SYNE2: variants seen among roughly 807,000 people sequenced by gnomAD.
SYNE2 encodes the protein spectrin repeat containing nuclear envelope protein 2.
Under a neutral mutation model 856.3 loss-of-function variants are expected in SYNE2, and 431 were observed. That is an observed-to-expected ratio of 0.50 (90% CI 0.47 to 0.55). The LOEUF (loss-of-function observed/expected upper bound fraction) is 0.55. Among genes scored for constraint, SYNE2 ranks in the 20% least tolerant of loss-of-function variants. SYNE2 has a pLI of 0.00. For synonymous variants in SYNE2, 2,923 were observed against 2,872.3 expected (o/e 1.02, Z -0.56); for missense variants, 8,129 against 8,023.2 (o/e 1.01, Z -0.50).
At chr14:63,974,890 G>A (rs867047297) in intron 11 of SYNE2, among the ~76,000 whole-genome samples, 2,695 of 24,988 alleles carry the variant, frequency 0.11, 54 homozygotes, top group South Asian at 0.2. Context: ...GTGTGTGTGT[G>A]TGTATATATA....
intron 19 of SYNE2, among the ~76,000 whole-genome samples, chr14:63,989,949 C>T (rs575368481): frequency 7.2e-5 from 11 of 152,278 alleles, no homozygotes; most frequent in South Asian, 6.2e-4. Flanking sequence ...TGTGCCTGGC[C>T]GCAGCTTGGT....
chr14:64,038,402 C>T (rs1452628683), intron 45 of SYNE2, among the ~76,000 whole-genome samples: 1 of 152,268 alleles, frequency 6.6e-6, no homozygotes, highest in East Asian at 1.9e-4. Flanking sequence ...AGACGATGGG[C>T]GGCCCGGCAG....
At chr14:63,915,574 T>C (rs996454239) in intron 2 of SYNE2, among the ~76,000 whole-genome samples, 6 of 152,190 alleles carry the variant, frequency 3.9e-5, no homozygotes, top group Non-Finnish European at 7.3e-5. Context: ...AGGAGTTAAC[T>C]TGCAAGCAGT....
chr14:64,053,313 T>C lies in SYNE2; in HGVS notation c.9400T>C (p.Tyr3134His). The change falls in exon 48 of 116, where the codon TAC (tyrosine) becomes CAC (histidine). Residue 3134 changes from tyrosine to histidine, a missense_variant. Transcript: ENST00000555002. ...GAATGCAGAAGAAAATGATAAGTTA[T>C]ACAAAGTTCTCCAAAACATGGTATT... is the stretch of plus-strand genomic sequence containing the variant. ...KLNAEENDKL[Y>H]KVLQNMVLEL... is the part of the protein sequence containing the mutation. 6.2e-7 allele frequency: 1 copy of C among 1,610,932 alleles called. No homozygotes were observed. The highest frequency in any genetic ancestry group is 8.5e-7 in the Non-Finnish European group (1 of 1,179,328).
In SYNE2 at chr14:64,002,872, C is replaced by G; in HGVS notation, c.3939C>G (p.His1313Gln). Reference sequence around the variant, plus strand: ...AAACACAATTTGAAGGAATGAACCACAGGGTGCAGAGGAGTGAAGATACTC... The same window carrying G: ...AAACACAATTTGAAGGAATGAACCAGAGGGTGCAGAGGAGTGAAGATACTC... ...KYKTQFEGMN[H>Q]RVQRSEDTLK... Residue 1313 changes from histidine (H) to glutamine (Q), a missense_variant, in exon 30 of 116, where the codon CAC (histidine) becomes CAG (glutamine). His to Gln is a conservative substitution (Grantham distance 24). This residue lies in a region of SYNE2 where 2,422 missense variants were observed against 2,357.4 expected (regional missense o/e 1.03). Coordinates refer to ENST00000555002, the MANE Select transcript of SYNE2 (RefSeq NM_182914.3). 6.2e-7 allele frequency: 1 copy of G among 1,614,188 alleles called. No homozygotes were observed. Among genetic ancestry groups the G allele is most frequent in the Non-Finnish European group, 8.5e-7 (1 of 1,180,042 alleles).
Position 64,106,628 on chromosome 14 carries a change from G to A in SYNE2, c.12493-863G>A, listed in dbSNP as rs545047187. 5.9e-5 allele frequency among the ~76,000 whole-genome samples: 9 copies of A among 152,296 alleles called. No homozygotes were observed. In the East Asian group the frequency reaches 9.7e-4, roughly 16 times the overall value. On this transcript the variant is annotated intron_variant, in intron 64 of 115. Transcript: ENST00000555002. ...CGTGCCACTGCCCTCCAGCCTGGGC[G>A]ACAGAGCGAGACTCCGTCTCAAAAA... is the stretch of plus-strand genomic sequence containing the variant.
chr14:64,113,140 C>T (rs769638184), intron 65 of SYNE2: 38 of 985,302 alleles, frequency 3.9e-5, no homozygotes, highest in Non-Finnish European at 4.3e-5. Flanking sequence ...TGCTTACTCG[C>T]AGATCGGCTG....
At chr14:63,983,656 T>C (rs778133717) in intron 17 of SYNE2, 81 bp from the exon 18 acceptor site, 49 of 1,176,148 alleles carry the variant, frequency 4.2e-5, no homozygotes, top group Non-Finnish European at 5.7e-5. Flanking sequence ...TTGAATATAT[T>C]ACATCCACTT....
rs761944296 is a variant in SYNE2 at position 64,070,891 on chromosome 14, A to G, written c.10678A>G (p.Met3560Val). 8.7e-6 allele frequency: 14 copies of G among 1,614,086 alleles called. No individual in the cohort carries two copies. The highest frequency in any genetic ancestry group is 7.7e-5 in the South Asian group (7 of 91,084). Residue 3560 changes from methionine (M) to valine (V), a missense_variant, in exon 52 of 116, where the codon ATG becomes GTG. Physicochemically the swap from Met to Val is conservative, Grantham distance 21 (BLOSUM62 1). Around this residue, in one of 3 missense-constraint regions of SYNE2, gnomAD observed 5,410 missense variants for 5,284.8 expected, o/e 1.02. Coordinates refer to ENST00000555002, the MANE Select transcript of SYNE2 (RefSeq NM_182914.3). Reference protein sequence around the residue: ...TVPAFQEITSMKERCNKLLQK... With the variant: ...TVPAFQEITSVKERCNKLLQK... ...TCCAGCATTTCAAGAAATTACTTCT[A>G]TGAAAGAACGATGCAACAAGTAAGA...
At chr14:63,974,957 A>T (rs952083203) in intron 11 of SYNE2, among the ~76,000 whole-genome samples, 22 of 135,444 alleles carry the variant, frequency 1.6e-4, no homozygotes, top group Non-Finnish European at 3.3e-4. Context: ...CCCAGGCTGG[A>T]GTACAGTGGT....
rs1024768036 is a variant in SYNE2, at chr14:64,208,885, C to T, written c.18329C>T (p.Thr6110Ile). The stretch of plus-strand genomic sequence containing the variant: ...GAGTGTGACTCGATCCAGCAGACCA[C>T]CAGGAGCCTGGACAGACGCTGGAGG... ...ETECDSIQQT[T>I]RSLDRRWRNI... The change falls in exon 101 of 116, where the codon ACC (threonine) becomes ATC (isoleucine). Residue 6110 changes from threonine (T) to isoleucine (I), a missense_variant. By Grantham distance (89) the Thr-to-Ile change is moderately conservative. Coordinates refer to ENST00000555002, the MANE Select transcript of SYNE2 (RefSeq NM_182914.3). 1.9e-6 allele frequency: 3 copies of T among 1,614,222 alleles called. No individual in the cohort carries two copies. Among genetic ancestry groups the T allele is most frequent in the Non-Finnish European group, 2.5e-6 (3 of 1,180,052 alleles).
intron 1 of SYNE2, among the ~76,000 whole-genome samples, chr14:63,895,850 G>A (rs912483672): frequency 1.4e-5 from 2 of 142,630 alleles, no homozygotes; most frequent in African/African-American, 2.6e-5. Flanking sequence ...TTACAATTTT[G>A]TAATTTCAAC....
In SYNE2 at chr14:64,081,338, A is replaced by G. The variant is rs527702865; in HGVS notation, c.11347-105A>G. The G allele has an allele frequency of 6.0e-4, 861 of 1,433,914 alleles. 5 individuals are homozygous for G. The highest frequency in any genetic ancestry group is 1.5e-3 in the Middle Eastern group (7 of 4,576). The allele number at this position is 1,433,914 out of a possible 1,614,324, so 88.8% of individuals were successfully genotyped here. A position where few individuals can be genotyped will look rare whatever the true frequency, so the allele number is the denominator to read the frequency against. On this transcript the variant is annotated intron_variant, in intron 56 of 115. Transcript: ENST00000555002. ...CAGCCATGGGGAGCAGACATCTGCA[A>G]GGCCTGACACACCCCTGACTAACAG... is the stretch of plus-strand genomic sequence containing the variant.
intron 18 of SYNE2, among the ~76,000 whole-genome samples, chr14:63,986,228 T>C (rs1457646319): frequency 4.6e-5 from 7 of 152,052 alleles, no homozygotes; most frequent in Non-Finnish European, 7.4e-5. Context: ...GCCTCCTGAG[T>C]AGCTAGAACT....
chr14:63,776,393 T>C (rs1158975156), intron 1 of SYNE2, among the ~76,000 whole-genome samples: 3 of 152,158 alleles, frequency 2.0e-5, no homozygotes, highest in Non-Finnish European at 4.4e-5. Context: ...CCTTTTAGTT[T>C]TACTACCATA....
chr14:64,158,738 C>T lies in SYNE2; in HGVS notation c.15906C>T (p.His5302=). ...MTIRFWYCME[H]SKPVVLSLET... ...TCCGATTCTGGTACTGCATGGAACA[C>T]AGCAAGCCTGTGGTGTTATCATTGG... Residue 5302 remains histidine, a synonymous_variant, in exon 86 of 116, where the codon CAC becomes CAT. Coordinates refer to ENST00000555002, the MANE Select transcript of SYNE2 (RefSeq NM_182914.3). 1.9e-6 allele frequency: 3 copies of T among 1,613,960 alleles called. No homozygotes were observed. The highest frequency in any genetic ancestry group is 1.3e-5 in the African/African-American group (1 of 75,016).
intron 10 of SYNE2, among the ~76,000 whole-genome samples, chr14:63,964,478 C>T (rs1204082266): frequency 2.0e-5 from 3 of 152,036 alleles, no homozygotes; most frequent in Admixed American, 6.6e-5. Context: ...GTTTTCCAAT[C>T]CCTGGTTTAA....
At chr14:64,083,627 G>T (rs910102076) in intron 57 of SYNE2, among the ~76,000 whole-genome samples, 12 of 152,220 alleles carry the variant, frequency 7.9e-5, no homozygotes, top group Non-Finnish European at 1.3e-4. Context: ...CTCCTGGGAA[G>T]TAAGTCCCAA....
chr14:64,028,165 A>G (rs1275796316), intron 43 of SYNE2, among the ~76,000 whole-genome samples: 1 of 151,888 alleles, frequency 6.6e-6, no homozygotes, highest in East Asian at 1.9e-4. Context: ...TTGGCCTCCC[A>G]AAGTGCTGGG....
Sources: allele counts gnomAD v4.1 joint callset (sites outside exome capture counted in the v4.1 genomes callset), GRCh38; gene constraint gnomAD v4.1.1; regional missense constraint gnomAD v4.1.1; transcripts MANE v1.5; gene names NCBI Gene and HGNC (gene_info 2026-07-23, HGNC 2026-07-21).